KIF11: variants seen among roughly 807,000 people sequenced by gnomAD.
KIF11 encodes the protein kinesin-like protein KIF11.
In KIF11, 9 loss-of-function variants were observed where a neutral mutation model predicts 121.0. That is an observed-to-expected ratio of 0.07 (90% confidence interval 0.04 to 0.13). The LOEUF (loss-of-function observed/expected upper bound fraction) is 0.13, where lower values mean the gene tolerates loss of function less well. Ranked by LOEUF, KIF11 falls within the 10% of genes least tolerant of loss-of-function variation. The pLI is 1.00. For synonymous variants in KIF11, 408 were observed against 421.0 expected (o/e 0.97, Z 0.38); for missense variants, 846 against 1,217.5 (o/e 0.69, Z 4.54).
At chr10:92,622,137 G>T (rs1844623920) in intron 10 of KIF11, among the ~76,000 whole-genome samples, 1 of 152,020 alleles carries the variant, frequency 6.6e-6, no homozygotes, top group Non-Finnish European at 1.5e-5. Flanking sequence ...TACCCTGTGT[G>T]GTGGTACATG....
At chr10:92,639,413 T>C (rs1323391972) in intron 16 of KIF11, among the ~76,000 whole-genome samples, 1 of 151,932 alleles carries the variant, frequency 6.6e-6, no homozygotes, top group African/African-American at 2.4e-5. Context: ...CATAGCGAGA[T>C]CACGTCTCTA....
intron 8 of KIF11, 44 bp from the exon 9 acceptor site, chr10:92,616,693 T>G: frequency 1.0e-6 from 1 of 977,662 alleles, no homozygotes; most frequent in Non-Finnish European, 1.6e-6. Context: ...AACTACATTA[T>G]TCTCACAATA....
chr10:92,602,850 GTGTGT>G (rs1345546610), intron 1 of KIF11, among the ~76,000 whole-genome samples: 17 of 145,282 alleles, frequency 1.2e-4, no homozygotes, highest in Middle Eastern at 3.4e-3. Flanking sequence ...GTGTGTGTGT[GTGTGT>G]GGTTTTTTGT....
chr10:92,633,024 C>G (rs11818708), intron 13 of KIF11, among the ~76,000 whole-genome samples: 22,712 of 151,922 alleles, frequency 0.15, 3,616 homozygotes, highest in African/African-American at 0.4. Context: ...ATTTCTTGGG[C>G]CTTTTTCTGG....
chr10:92,603,645 C>T (rs1427053875), intron 1 of KIF11, among the ~76,000 whole-genome samples: 1 of 152,014 alleles, frequency 6.6e-6, no homozygotes, highest in Non-Finnish European at 1.5e-5. Context: ...AGCCACTGTG[C>T]CTGGCCTAAT....
At chr10:92,629,166 T>C (rs1844708773) in intron 11 of KIF11, among the ~76,000 whole-genome samples, 1 of 151,918 alleles carries the variant, frequency 6.6e-6, no homozygotes, top group African/African-American at 2.4e-5. Context: ...GTATTTTTAG[T>C]AGAGACAGGG....
Position 92,613,639 on chromosome 10 carries a change from G to T in KIF11, c.1032+20G>T. The T allele has an allele frequency of 1.3e-6, 2 of 1,593,518 alleles. No individual in the cohort carries two copies. Among genetic ancestry groups the T allele is most frequent in the Non-Finnish European group, 1.7e-6 (2 of 1,171,206 alleles). ...CTTGAGGTAAGCCCTTTGAAAGGAA[G>T]CTGCAAGTGTAGTAGCTGTAATTCT... On this transcript the variant is annotated intron_variant, in intron 8 of 21. Coordinates refer to ENST00000260731, the MANE Select transcript of KIF11 (RefSeq NM_004523.4). The surrounding 1 kb of genome is among the most constrained non-coding windows in gnomAD (Gnocchi z 4.2).
At chr10:92,637,583 A>T in intron 16 of KIF11, 38 bp downstream of exon 16, 1 of 1,561,798 alleles carries the variant, frequency 6.4e-7, no homozygotes, top group East Asian at 2.3e-5. Flanking sequence ...ACAGAAAGAG[A>T]GTTTTAGGAT....
In KIF11 at chr10:92,609,515, A is replaced by G; in HGVS notation, c.698+6A>G. 1 of 1,604,830 alleles carries G rather than the reference A, an allele frequency of 6.2e-7. No individual in the cohort carries two copies. Among genetic ancestry groups the G allele is most frequent in the Non-Finnish European group, 8.5e-7 (1 of 1,177,228 alleles). ...CTGATGAATGCATACTCTAGGTAAG[A>G]AAGCCATAGTCTCTTCCCTAGCCCC... On this transcript the variant is annotated splice_donor_region_variant and intron_variant, in intron 6 of 21. Transcript: ENST00000260731.
At chr10:92,600,887 G>C (rs1844361746) in intron 1 of KIF11, among the ~76,000 whole-genome samples, 1 of 151,434 alleles carries the variant, frequency 6.6e-6, no homozygotes, top group Admixed American at 6.6e-5. Flanking sequence ...TTGAGATGGA[G>C]TCTCGCTCTG....
At chr10:92,605,348 T>C (rs1187940437) in intron 1 of KIF11, among the ~76,000 whole-genome samples, 2 of 152,192 alleles carry the variant, frequency 1.3e-5, no homozygotes, top group Admixed American at 6.5e-5. Flanking sequence ...ACCTGGCACA[T>C]AGTAAGTACT....
intron 9 of KIF11, 40 bp downstream of exon 9, chr10:92,616,872 A>G: frequency 8.8e-7 from 1 of 1,135,846 alleles, no homozygotes; most frequent in Non-Finnish European, 1.3e-6. Flanking sequence ...ATCTTGTTTG[A>G]CAAATGTGAA....
intron 14 of KIF11, among the ~76,000 whole-genome samples, chr10:92,634,442 G>A (rs995734248): frequency 1.1e-4 from 17 of 150,764 alleles, no homozygotes; most frequent in African/African-American, 2.9e-4. Flanking sequence ...GCTAATTTTC[G>A]TATTTTTTTT....
chr10:92,602,825 C>CGTGTGT (rs3980475), intron 1 of KIF11, among the ~76,000 whole-genome samples: 10,342 of 122,276 alleles, frequency 0.085, 443 homozygotes, highest in Admixed American at 0.15. Flanking sequence ...CACACACACA[C>CGTGTGT]GTGTGTGTGT....
chr10:92,628,082 C>T (rs1051815080), intron 10 of KIF11, among the ~76,000 whole-genome samples: 1 of 151,936 alleles, frequency 6.6e-6, no homozygotes, highest in African/African-American at 2.4e-5. Flanking sequence ...TGGTTTTGTC[C>T]CCCAGAGGAC....
chr10:92,628,321 T>TA (rs935849660), intron 10 of KIF11, among the ~76,000 whole-genome samples: 1 of 152,186 alleles, frequency 6.6e-6, no homozygotes, highest in African/African-American at 2.4e-5. Flanking sequence ...TCTGTATACA[T>TA]ACTTTAAGTC....
intron 8 of KIF11, among the ~76,000 whole-genome samples, chr10:92,615,926 G>A (rs1339895089): frequency 2.0e-5 from 3 of 148,892 alleles, no homozygotes; most frequent in East Asian, 3.9e-4. Context: ...TGCAGTCTTC[G>A]CCACCCGGGT....
chr10:92,625,932 A>G (rs1844671181), intron 10 of KIF11, among the ~76,000 whole-genome samples: 3 of 152,342 alleles, frequency 2.0e-5, no homozygotes, highest in South Asian at 2.1e-4. Flanking sequence ...CAGAGTTGAC[A>G]CTAACAAATG....
intron 17 of KIF11, 152 bp downstream of exon 17, chr10:92,640,052 C>T: frequency 2.1e-6 from 1 of 466,580 alleles, no homozygotes; most frequent in Non-Finnish European, 3.8e-6. Flanking sequence ...TATATATATA[C>T]ATGCATATAA....
Sources: gnomAD v4.1 joint callset for allele counts (sites outside exome capture counted in the v4.1 genomes callset) on GRCh38, gnomAD v4.1.1 for gene constraint, Gnocchi (gnomAD v3.1) non-coding constraint, MANE v1.5 for transcripts, NCBI Gene and HGNC (gene_info 2026-07-23, HGNC 2026-07-21) for gene names.